The following SULF1 variants were observed in gnomAD, a reference collection of about 807,000 sequenced individuals.
SULF1 encodes the protein sulfatase 1.
SULF1 carries 46 observed loss-of-function variants against 110.5 expected under a neutral mutation model. That is an observed-to-expected ratio of 0.42 (90% CI 0.33 to 0.53). SULF1 has a LOEUF of 0.53. Among genes scored for constraint, SULF1 ranks in the 20% least tolerant of loss-of-function variants. The probability of loss-of-function intolerance (pLI) is 0.12; values close to 1 mark genes in which losing one functional copy is unlikely to be tolerated. For synonymous variants in SULF1, 371 were observed against 387.1 expected, an observed-to-expected ratio of 0.96 and a Z score of 0.49; for missense variants, 941 against 1,094.2, an observed-to-expected ratio of 0.86 and a Z score of 1.98.
chr8:69,487,328 A>G (rs1375590790), intron 1 of SULF1, among the ~76,000 whole-genome samples: 1 of 152,214 alleles, frequency 6.6e-6, no homozygotes, highest in Non-Finnish European at 1.5e-5. Flanking sequence ...ATGAGCTGTC[A>G]TTTTAGCAAT....
At chr8:69,525,088 T>C (rs1215462657) in intron 3 of SULF1, among the ~76,000 whole-genome samples, 1 of 152,226 alleles carries the variant, frequency 6.6e-6, no homozygotes, top group Non-Finnish European at 1.5e-5. Flanking sequence ...ACAGACTTTA[T>C]GCCTACAAAA....
At position 69,658,328 on chromosome 8, in the gene SULF1, G is replaced by A. The variant is rs116562831; in HGVS notation, c.2586-177G>A. Among the ~76,000 whole-genome samples the A allele has an allele frequency of 5.4e-3, 821 of 152,208 alleles. 8 individuals are homozygous for A. Among genetic ancestry groups the A allele is most frequent in the African/African-American group, 0.019 (775 of 41,516 alleles). On this transcript the variant is annotated intron_variant, in intron 22 of 22. Transcript: ENST00000402687. ...TGATCTTTTTTTTCCCCAATTTTCT[G>A]TTGTTTAATCACCTGTAACCTAAGG...
chr8:69,612,837 C>A (rs1048794328), intron 13 of SULF1, among the ~76,000 whole-genome samples: 1 of 152,012 alleles, frequency 6.6e-6, no homozygotes, highest in African/African-American at 2.4e-5. Context: ...TCTTTTGCTG[C>A]GCAGAAGGTT....
chr8:69,638,194 G>A (rs16936204), intron 19 of SULF1: 6 of 266,734 alleles, frequency 2.2e-5, no homozygotes, highest in South Asian at 8.1e-5. Context: ...TCATACTTCC[G>A]TCACTCACCC....
rs138252227 is a variant in SULF1, at chr8:69,654,701, C to G, written c.2586-3804C>G. On this transcript the variant is annotated intron_variant, in intron 22 of 22. Coordinates refer to ENST00000402687, the MANE Select transcript of SULF1 (RefSeq NM_001128205.2). ...CTCCTGCCCCCTCTCCTCTTATCCT[C>G]CTGCAAAGCAGAGAAATCTGTCCAG... is the stretch of plus-strand genomic sequence containing the variant. Among the ~76,000 whole-genome samples, 3 of 152,334 alleles carry G rather than the reference C, an allele frequency of 2.0e-5. No individual in the cohort carries two copies. In the East Asian group the frequency reaches 5.8e-4, roughly 29 times the overall value.
Position 69,603,334 on chromosome 8 carries a change from C to G in SULF1, c.1190+14C>G. The G allele has an allele frequency of 1.2e-6, 2 of 1,613,868 alleles. No individual in the cohort carries two copies. The highest frequency in any genetic ancestry group is 1.7e-6 in the Non-Finnish European group (2 of 1,180,008). ...GCCAGGTAACAGGTGTGTCATTGTTCCTCCTCTCAGCCAGCCCCAAATACA... is the reference window on the plus strand; with the variant it reads ...GCCAGGTAACAGGTGTGTCATTGTTGCTCCTCTCAGCCAGCCCCAAATACA... On this transcript the variant is annotated intron_variant, in intron 11 of 22. Transcript: ENST00000402687.
At chr8:69,602,628 G>C (rs543702538) in intron 10 of SULF1, among the ~76,000 whole-genome samples, 1 of 152,128 alleles carries the variant, frequency 6.6e-6, no homozygotes, top group African/African-American at 2.4e-5. Flanking sequence ...AATCTCCCCC[G>C]AGTACCACAT....
rs80241883 is a variant in SULF1, at chr8:69,563,825, C to G, written c.-60-91C>G. On this transcript the variant is annotated intron_variant, in intron 4 of 22. Transcript: ENST00000402687. ...GTCTCTGCCAGCTTATGTGCCAATACTGACTTATTTGTAGCCCTTTCTCTG... is the reference window on the plus strand; with the variant it reads ...GTCTCTGCCAGCTTATGTGCCAATAGTGACTTATTTGTAGCCCTTTCTCTG... The G allele has an allele frequency of 3.1e-3, 2,212 of 724,394 alleles. 34 individuals carry two copies. In the African/African-American group the frequency reaches 0.036, roughly 12 times the overall value. 44.9% of individuals were successfully genotyped at this position (724,394 alleles called of 1,614,324 possible). A position where few individuals can be genotyped will look rare whatever the true frequency, so the allele number is the denominator to read the frequency against.
At chr8:69,603,721 A>AT (rs1052641110) in intron 12 of SULF1, 65 bp downstream of exon 12, 89 of 1,090,598 alleles carry the variant, frequency 8.2e-5, no homozygotes, top group African/African-American at 7.8e-4. Flanking sequence ...CCTGCTGAGT[A>AT]TTTTTTTTCT....
chr8:69,605,580 A>C (rs1054915732), intron 13 of SULF1, among the ~76,000 whole-genome samples: 3 of 152,230 alleles, frequency 2.0e-5, no homozygotes, highest in Non-Finnish European at 2.9e-5. Context: ...TGTGTGATGA[A>C]TTAACATTGC....
At chr8:69,530,854 T>A (rs188263192) in intron 3 of SULF1, among the ~76,000 whole-genome samples, 1 of 152,316 alleles carries the variant, frequency 6.6e-6, no homozygotes, top group Admixed American at 6.5e-5. Flanking sequence ...CCAAAGGGAT[T>A]GAAGCTGTTG....
chr8:69,589,179 GC>G, intron 8 of SULF1, 38 bp downstream of exon 8: 2 of 1,592,306 alleles, frequency 1.3e-6, no homozygotes, highest in Non-Finnish European at 1.7e-6. Flanking sequence ...TGCCGAACAT[GC>G]CTTTCCCTTT....
rs1295097104 is a variant in SULF1, at chr8:69,659,027, A to G, written c.*492A>G. On this transcript the variant is annotated 3_prime_UTR_variant, in exon 23 of 23. Transcript: ENST00000402687. ...CATCTGGAAACCGATTTCAGTGGCG[A>G]TGGCATGACAGAGCTAGAGCTCGGG... 2.2e-6 allele frequency: 1 copy of G among 457,216 alleles called. No homozygotes were observed. Among genetic ancestry groups the G allele is most frequent in the South Asian group, 1.5e-5 (1 of 64,572 alleles). 28.3% of individuals were successfully genotyped at this position (457,216 alleles called of 1,614,324 possible).
At position 69,658,744 on chromosome 8, in the gene SULF1, G is replaced by A. The variant is rs776789411; in HGVS notation, c.*209G>A. 4.6e-5 allele frequency: 31 copies of A among 669,236 alleles called. No homozygotes were observed. The highest frequency in any genetic ancestry group is 3.9e-4 in the South Asian group (26 of 66,468). The allele number at this position is 669,236 out of a possible 1,614,324, so 41.5% of individuals were successfully genotyped here. A position where few individuals can be genotyped will look rare whatever the true frequency, so the allele number is the denominator to read the frequency against. ...TAAGACTCAAACTGCTCAAAGTGAC[G>A]GGTTCTTGGTTGTCTCTGCTGAGCA... On this transcript the variant is annotated 3_prime_UTR_variant, in exon 23 of 23. Transcript: ENST00000402687.
At chr8:69,502,267 A>G (rs1006404706) in intron 3 of SULF1, among the ~76,000 whole-genome samples, 4 of 152,198 alleles carry the variant, frequency 2.6e-5, no homozygotes, top group Non-Finnish European at 5.9e-5. Flanking sequence ...GCTGCTCAGG[A>G]AGGAAGCTCA....
intron 1 of SULF1, chr8:69,473,313 T>C (rs1809168409): frequency 1.3e-5 from 2 of 152,240 alleles, no homozygotes; most frequent in African/African-American, 4.8e-5. Flanking sequence ...ATGCTACTGT[T>C]TAACTGCTGT....
At chr8:69,472,329 C>T (rs748862844) in intron 1 of SULF1, among the ~76,000 whole-genome samples, 47 of 152,160 alleles carry the variant, frequency 3.1e-4, no homozygotes, top group Non-Finnish European at 2.9e-4. Context: ...AGAGTCAGAT[C>T]GAGCTTCCAG....
At chr8:69,558,895 C>A (rs115779921) in intron 3 of SULF1, among the ~76,000 whole-genome samples, 2,653 of 152,034 alleles carry the variant, frequency 0.017, 74 homozygotes, top group African/African-American at 0.06. Context: ...AATAATAAAT[C>A]TATTATATGT....
intron 3 of SULF1, among the ~76,000 whole-genome samples, chr8:69,511,070 A>C (rs1303823431): frequency 1.3e-5 from 2 of 152,130 alleles, no homozygotes; most frequent in East Asian, 3.9e-4. Flanking sequence ...AGACAGGAGC[A>C]GGACCTATGC....
Sources: allele counts gnomAD v4.1 joint callset (sites outside exome capture counted in the v4.1 genomes callset), GRCh38; gene constraint gnomAD v4.1.1; transcripts MANE v1.5; gene names NCBI Gene and HGNC (gene_info 2026-07-23, HGNC 2026-07-21).